Variants in PDE4D observed in about 807,000 individuals in gnomAD.
PDE4D encodes phosphodiesterase 4D.
Under a neutral mutation model 87.4 loss-of-function variants are expected in PDE4D, and 24 were observed. The ratio of observed to expected loss-of-function variants is 0.27; its 90% CI spans 0.20 to 0.39. The LOEUF is 0.39. Among genes scored for constraint, PDE4D ranks in the 10% least tolerant of loss-of-function variants. PDE4D has a pLI of 1.00. For missense variants in PDE4D, 714 were observed against 1,041.0 expected, an observed-to-expected ratio of 0.69 and a Z score of 4.32; for synonymous variants, 384 against 383.2, an observed-to-expected ratio of 1.00 and a Z score of -0.02.
chr5:60,345,557 T>G (rs1013133609), intron 1 of PDE4D, among the ~76,000 whole-genome samples: 1 of 144,522 alleles, frequency 6.9e-6, no homozygotes, highest in African/African-American at 2.8e-5. Flanking sequence ...AAAAGAGCTC[T>G]TCCCTCTCCA....
At chr5:60,138,022 C>T (rs1303374771) in intron 2 of PDE4D, among the ~76,000 whole-genome samples, 2 of 152,086 alleles carry the variant, frequency 1.3e-5, no homozygotes, top group Non-Finnish European at 2.9e-5. Flanking sequence ...GTTGTCCCAG[C>T]ACCATTTATT....
At chr5:60,257,366 G>T (rs1749199387) in intron 1 of PDE4D, among the ~76,000 whole-genome samples, 1 of 151,928 alleles carries the variant, frequency 6.6e-6, no homozygotes, top group African/African-American at 2.4e-5. Context: ...TAAGGTAAAA[G>T]AGCTATTATT....
At chr5:59,703,972 G>A (rs897005728) in intron 1 of PDE4D, among the ~76,000 whole-genome samples, 5 of 152,056 alleles carry the variant, frequency 3.3e-5, no homozygotes, top group Admixed American at 6.6e-5. Flanking sequence ...AAGAAAGAGG[G>A]AGAAAGTGAG....
At chr5:59,711,628 A>G (rs1163097498) in intron 1 of PDE4D, among the ~76,000 whole-genome samples, 2 of 152,182 alleles carry the variant, frequency 1.3e-5, no homozygotes, top group Non-Finnish European at 2.9e-5. Flanking sequence ...CAACCTAACT[A>G]TAACTTCCTA....
At chr5:60,020,687 G>A (rs1765959388) in intron 2 of PDE4D, among the ~76,000 whole-genome samples, 1 of 152,182 alleles carries the variant, frequency 6.6e-6, no homozygotes, top group East Asian at 1.9e-4. Flanking sequence ...GCCCAGCCCA[G>A]CTCAGCCCAG....
At chr5:59,156,319 A>AT (rs1435708674) in intron 5 of PDE4D, among the ~76,000 whole-genome samples, 16,327 of 82,968 alleles carry the variant, frequency 0.2, 1,640 homozygotes, top group East Asian at 0.27. Context: ...GAAAAAAAAA[A>AT]AATATATATA....
At chr5:59,033,789 G>C (rs1430806535) in intron 6 of PDE4D, among the ~76,000 whole-genome samples, 1 of 151,920 alleles carries the variant, frequency 6.6e-6, no homozygotes, top group African/African-American at 2.4e-5. Flanking sequence ...CTCTCAGACA[G>C]AAGTTACCAC....
intron 1 of PDE4D, among the ~76,000 whole-genome samples, chr5:59,789,908 A>G (rs1581120143): frequency 6.6e-6 from 1 of 152,232 alleles, no homozygotes; most frequent in East Asian, 1.9e-4. Context: ...TTTGAGCCTT[A>G]TAAGCTAATG....
chr5:59,225,291 C>T (rs1262009675), intron 1 of PDE4D, among the ~76,000 whole-genome samples: 2 of 152,150 alleles, frequency 1.3e-5, no homozygotes, highest in African/African-American at 4.8e-5. Context: ...TCTGGACATC[C>T]TTGTCAAAGA....
At chr5:59,263,876 T>A (rs911489330) in intron 1 of PDE4D, among the ~76,000 whole-genome samples, 3 of 152,000 alleles carry the variant, frequency 2.0e-5, no homozygotes, top group African/African-American at 7.2e-5. Context: ...CTGCTGGTAC[T>A]ATTTTTAATC....
At chr5:59,655,743 G>C (rs1410801518) in intron 1 of PDE4D, among the ~76,000 whole-genome samples, 2 of 152,134 alleles carry the variant, frequency 1.3e-5, no homozygotes, top group Non-Finnish European at 2.9e-5. Flanking sequence ...AAGAACCCAT[G>C]ACTGTATTTT....
intron 1 of PDE4D, among the ~76,000 whole-genome samples, chr5:59,351,819 C>G (rs1780574612): frequency 1.3e-5 from 2 of 152,130 alleles, no homozygotes; most frequent in Non-Finnish European, 2.9e-5. Context: ...AAGCCCTATT[C>G]TATAACAAAT....
chr5:59,090,046 G>A (rs1768405312), intron 5 of PDE4D, among the ~76,000 whole-genome samples: 1 of 151,920 alleles, frequency 6.6e-6, no homozygotes, highest in Admixed American at 6.6e-5. Context: ...GGGTATTTAG[G>A]GACTAATAGA....
At position 60,167,452 on chromosome 5, in the gene PDE4D, T is replaced by C. The variant is rs182082247; in HGVS notation, c.42+18105A>G. Among the ~76,000 whole-genome samples, 1,149 of 151,948 alleles carry C rather than the reference T, an allele frequency of 7.6e-3. 12 individuals carry two copies. Among genetic ancestry groups the C allele is most frequent in the African/African-American group, 0.026 (1,099 of 41,476 alleles). ...CCCGGCTAATTTTTTGTATTTTTAG[T>C]AGAGACGGGGTTTCACCGTGTTAGC... On this transcript the variant is annotated intron_variant, in intron 2 of 16. Transcript: ENST00000502484.
intron 3 of PDE4D, among the ~76,000 whole-genome samples, chr5:59,903,207 C>T (rs1392587799): frequency 6.6e-6 from 1 of 152,088 alleles, no homozygotes; most frequent in East Asian, 1.9e-4. Flanking sequence ...TCCTTATCAT[C>T]TAACATTGTA....
intron 1 of PDE4D, among the ~76,000 whole-genome samples, chr5:60,273,499 G>T (rs976943683): frequency 6.6e-6 from 1 of 152,182 alleles, no homozygotes; most frequent in African/African-American, 2.4e-5. Context: ...GATCTAAGAA[G>T]TGGCAAGAAT....
At chr5:59,378,754 T>A (rs1562063948) in intron 1 of PDE4D, among the ~76,000 whole-genome samples, 1 of 152,170 alleles carries the variant, frequency 6.6e-6, no homozygotes, top group Non-Finnish European at 1.5e-5. Flanking sequence ...TGCTGTCACA[T>A]TTTTGCCCAT....
At chr5:60,332,171 A>AT (rs1470223638) in intron 1 of PDE4D, among the ~76,000 whole-genome samples, 5 of 152,184 alleles carry the variant, frequency 3.3e-5, no homozygotes, top group African/African-American at 1.2e-4. Flanking sequence ...CAAACATTGA[A>AT]TTTTTTTTAA....
In PDE4D at chr5:59,893,611, C is replaced by T. The variant is rs1044783142; in HGVS notation, c.12G>A (p.Glu4=). 4 of 1,509,656 alleles carry T rather than the reference C, an allele frequency of 2.6e-6. No homozygotes were observed. The highest frequency in any genetic ancestry group is 1.4e-5 in the African/African-American group (1 of 69,140). 93.5% of individuals were successfully genotyped at this position (1,509,656 alleles called of 1,614,324 possible). The part of the protein sequence containing the change: MEA[E]GSSAPARAGS... Reference sequence around the variant, plus strand: ...CCGCCCGGGCCGGCGCGCTGCTGCCCTCTGCCTCCATCCTGGCTCGCGGCT... The same window carrying T: ...CCGCCCGGGCCGGCGCGCTGCTGCCTTCTGCCTCCATCCTGGCTCGCGGCT... Residue 4 remains glutamate, a synonymous_variant, in exon 1 of 15, where the codon GAG becomes GAA. Transcript: ENST00000340635.
Sources: allele counts gnomAD v4.1 joint callset (sites outside exome capture counted in the v4.1 genomes callset), GRCh38; gene constraint gnomAD v4.1.1; transcripts MANE v1.5; gene names NCBI Gene and HGNC (gene_info 2026-07-23, HGNC 2026-07-21).